The following AGBL4 variants were observed in gnomAD, a reference collection of about 807,000 sequenced individuals.
AGBL4 encodes the protein cytosolic carboxypeptidase 6.
In AGBL4, 58 loss-of-function variants were observed where a neutral mutation model predicts 66.4. The ratio of observed to expected loss-of-function variants is 0.87; its 90% CI spans 0.71 to 1.09. The LOEUF (loss-of-function observed/expected upper bound fraction) is 1.09. AGBL4 is among the 50% of genes least tolerant of loss of function. The pLI is 0.00. For missense variants in AGBL4, 579 were observed against 631.0 expected, an observed-to-expected ratio of 0.92 and a Z score of 0.88; for synonymous variants, 234 against 222.9, an observed-to-expected ratio of 1.05 and a Z score of -0.44.
At chr1:48,670,427 A>G (rs1397201728) in intron 6 of AGBL4, among the ~76,000 whole-genome samples, 1 of 152,238 alleles carries the variant, frequency 6.6e-6, no homozygotes, top group East Asian at 1.9e-4. Context: ...ATGGCCATGC[A>G]GGCTGGCACC....
At chr1:49,041,210 C>A (rs924453856) in intron 5 of AGBL4, among the ~76,000 whole-genome samples, 2 of 152,038 alleles carry the variant, frequency 1.3e-5, no homozygotes, top group African/African-American at 4.8e-5. Context: ...TTTAGCCTTC[C>A]CACTTGTAAT....
chr1:49,045,972 G>C (rs945391678), intron 4 of AGBL4, among the ~76,000 whole-genome samples, 172 bp from the exon 5 acceptor site: 7 of 152,178 alleles, frequency 4.6e-5, no homozygotes, highest in African/African-American at 1.4e-4. Flanking sequence ...ACCTGAATCT[G>C]GCAGCTCTTT....
intron 2 of AGBL4, among the ~76,000 whole-genome samples, chr1:49,705,335 G>T (rs1228215236): frequency 1.3e-5 from 2 of 152,012 alleles, no homozygotes; most frequent in African/African-American, 4.8e-5. Context: ...GAGATGAGGG[G>T]ATTTTCTAAA....
At chr1:48,936,800 A>AT (rs924950519) in intron 5 of AGBL4, among the ~76,000 whole-genome samples, 4 of 152,136 alleles carry the variant, frequency 2.6e-5, no homozygotes, top group African/African-American at 9.7e-5. Flanking sequence ...AAATTACCCT[A>AT]TTTTATGGAT....
chr1:49,484,894 A>G (rs1347224058), intron 3 of AGBL4, among the ~76,000 whole-genome samples: 2 of 152,002 alleles, frequency 1.3e-5, no homozygotes, highest in African/African-American at 4.8e-5. Flanking sequence ...TACCCACAAA[A>G]GTTAAAAACT....
At chr1:49,937,166 C>CA (rs1027077654) in intron 1 of AGBL4, among the ~76,000 whole-genome samples, 1 of 151,256 alleles carries the variant, frequency 6.6e-6, no homozygotes, top group Non-Finnish European at 1.5e-5. Flanking sequence ...AAATGGAAAA[C>CA]AAAAAAAGGC....
chr1:49,681,975 A>G (rs188517354), intron 3 of AGBL4, among the ~76,000 whole-genome samples: 2 of 152,346 alleles, frequency 1.3e-5, no homozygotes, highest in Admixed American at 1.3e-4. Context: ...TAAATCAAGA[A>G]AGAAAGTGGC....
At chr1:48,725,733 C>A (rs534476982) in intron 6 of AGBL4, among the ~76,000 whole-genome samples, 2 of 152,250 alleles carry the variant, frequency 1.3e-5, no homozygotes, top group East Asian at 3.9e-4. Flanking sequence ...GAGCCCATTT[C>A]TTCATTTGTA....
chr1:49,478,698 T>C (rs1646894013), intron 3 of AGBL4, among the ~76,000 whole-genome samples: 1 of 152,016 alleles, frequency 6.6e-6, no homozygotes, highest in Admixed American at 6.6e-5. Flanking sequence ...CACAGACTAT[T>C]ATAACACTGT....
intron 6 of AGBL4, among the ~76,000 whole-genome samples, chr1:48,694,769 C>A (rs1646688805): frequency 6.6e-6 from 1 of 152,150 alleles, no homozygotes; most frequent in Non-Finnish European, 1.5e-5. Flanking sequence ...TCTAGCAAGA[C>A]CCCTTGAAAC....
At chr1:49,380,926 T>C (rs969822222) in intron 3 of AGBL4, among the ~76,000 whole-genome samples, 3 of 152,212 alleles carry the variant, frequency 2.0e-5, no homozygotes, top group Non-Finnish European at 2.9e-5. Flanking sequence ...ATTCAGGACA[T>C]ACGCATGGGC....
chr1:49,931,358 T>C (rs376840838), intron 1 of AGBL4, among the ~76,000 whole-genome samples: 3 of 152,282 alleles, frequency 2.0e-5, no homozygotes, highest in African/African-American at 7.2e-5. Flanking sequence ...TGAGACTGGG[T>C]AATTTATAAA....
chr1:49,606,705 A>T (rs1645069410), intron 3 of AGBL4, among the ~76,000 whole-genome samples: 1 of 152,144 alleles, frequency 6.6e-6, no homozygotes, highest in African/African-American at 2.4e-5. Flanking sequence ...GGAAACAAAG[A>T]TCAGAAAGGT....
At chr1:48,900,701 G>A (rs1328834839) in intron 5 of AGBL4, among the ~76,000 whole-genome samples, 3 of 152,158 alleles carry the variant, frequency 2.0e-5, no homozygotes. Context: ...TAAGAATTTT[G>A]ATCCATACCT....
At chr1:49,476,475 G>A (rs1310041256) in intron 3 of AGBL4, among the ~76,000 whole-genome samples, 1 of 151,874 alleles carries the variant, frequency 6.6e-6, no homozygotes, top group Non-Finnish European at 1.5e-5. Context: ...TTTCTGCCTC[G>A]ATAATCTGTC....
intron 6 of AGBL4, chr1:48,817,866 T>C (rs1007335578): frequency 1.7e-6 from 1 of 605,322 alleles, no homozygotes; most frequent in Non-Finnish European, 2.9e-6. Flanking sequence ...TGTGTGTTTT[T>C]GTGTGCTTGC....
Position 48,895,931 on chromosome 1 carries a change from C to T in AGBL4, c.595-28701G>A, listed in dbSNP as rs2298203. On this transcript the variant is annotated intron_variant, in intron 5 of 13. Transcript: ENST00000371839. Reference sequence around the variant, plus strand: ...AATGTACCAAAAGTCTAGAGTTCTACATTTGGGACCGGTTTTACTATGTGA... The same window carrying T: ...AATGTACCAAAAGTCTAGAGTTCTATATTTGGGACCGGTTTTACTATGTGA... Among the ~76,000 whole-genome samples, 61 of 152,322 alleles carry T rather than the reference C, an allele frequency of 4.0e-4. 1 individual carries two copies. In the East Asian group the frequency reaches 0.011, roughly 27 times the overall value.
chr1:49,361,955 A>G (rs1365617469), intron 3 of AGBL4, among the ~76,000 whole-genome samples: 2 of 152,180 alleles, frequency 1.3e-5, no homozygotes, highest in African/African-American at 4.8e-5. Flanking sequence ...TCAAATCTAT[A>G]TCAAAACAGA....
chr1:49,273,808 T>G (rs1644110978), intron 3 of AGBL4, among the ~76,000 whole-genome samples: 1 of 152,096 alleles, frequency 6.6e-6, no homozygotes, highest in African/African-American at 2.4e-5. Context: ...CCTGAGTAGC[T>G]GGGACTACAG....
Sources: gnomAD v4.1 joint callset for allele counts (sites outside exome capture counted in the v4.1 genomes callset) on GRCh38, gnomAD v4.1.1 for gene constraint, MANE v1.5 for transcripts, NCBI Gene and HGNC (gene_info 2026-07-23, HGNC 2026-07-21) for gene names.